The following AKNAD1 variants were observed in gnomAD, a reference collection of about 807,000 sequenced individuals.
AKNAD1 encodes the protein protein AKNAD1.
AKNAD1 carries 67 observed loss-of-function variants against 90.8 expected under a neutral mutation model. The ratio of observed to expected loss-of-function variants is 0.74; its 90% CI spans 0.61 to 0.90. The LOEUF (loss-of-function observed/expected upper bound fraction) is 0.90. Among genes scored for constraint, AKNAD1 ranks in the 40% least tolerant of loss-of-function variants. The probability of loss-of-function intolerance (pLI) is 0.00; values close to 1 mark genes in which losing one functional copy is unlikely to be tolerated. For missense variants in AKNAD1, 957 were observed against 975.4 expected (o/e 0.98, Z 0.25); for synonymous variants, 327 against 341.4 (o/e 0.96, Z 0.46).
At chr1:108,836,015 A>G (rs1664376863) in intron 7 of AKNAD1, among the ~76,000 whole-genome samples, 1 of 152,214 alleles carries the variant, frequency 6.6e-6, no homozygotes. Flanking sequence ...CCCAATACCT[A>G]GAAAAGTGCT....
intron 11 of AKNAD1, among the ~76,000 whole-genome samples, chr1:108,824,747 A>G (rs1663941460): frequency 6.6e-6 from 1 of 151,126 alleles, no homozygotes; most frequent in Non-Finnish European, 1.5e-5. Context: ...TTGGGTCCCT[A>G]TGTTGTCCAG....
At chr1:108,818,079 G>A (rs769494770) in intron 14 of AKNAD1, among the ~76,000 whole-genome samples, 1 of 152,162 alleles carries the variant, frequency 6.6e-6, no homozygotes, top group Non-Finnish European at 1.5e-5. Flanking sequence ...GCAGAGCATG[G>A]CTCTAGGGGG....
rs755086453 is a variant in AKNAD1, at chr1:108,849,031, A to G, written c.1063T>C (p.Leu355=). 2.5e-6 allele frequency: 4 copies of G among 1,604,414 alleles called. No homozygotes were observed. The East Asian group carries it at 6.7e-5, about 27-fold the overall frequency. ...GIESEASLSK[L]SPTSQKGTSS... ...GTGCCTTTCTGAGAGGTTGGTGACA[A>G]CTTAGAGAGACTTGCCTCAGATTCT... Residue 355 remains leucine (L), a synonymous_variant, in exon 4 of 16, where the codon TTG becomes CTG. Coordinates refer to ENST00000370001, the MANE Select transcript of AKNAD1 (RefSeq NM_152763.5).
intron 6 of AKNAD1, 43 bp from the exon 7 acceptor site, chr1:108,837,749 T>C (rs1428637461): frequency 1.3e-6 from 2 of 1,598,026 alleles, no homozygotes; most frequent in African/African-American, 1.3e-5. Flanking sequence ...GGCTATGTGG[T>C]TGGCATTCTA....
intron 13 of AKNAD1, among the ~76,000 whole-genome samples, chr1:108,821,067 A>T (rs532214149): frequency 3.9e-5 from 6 of 152,314 alleles, no homozygotes; most frequent in African/African-American, 1.2e-4. Context: ...AGCCTGGGCG[A>T]CAGAGCTAGA....
chr1:108,855,391 G>A (rs940158575), intron 1 of AKNAD1, among the ~76,000 whole-genome samples: 20 of 149,832 alleles, frequency 1.3e-4, no homozygotes, highest in Non-Finnish European at 3.0e-4. Flanking sequence ...CCAGCCTGGC[G>A]ATAGAGTGAA....
rs1461837928 is a variant in AKNAD1 at position 108,848,633 on chromosome 1, T to C, written c.1245+119A>G. 6 of 911,090 alleles carry C rather than the reference T, an allele frequency of 6.6e-6. No homozygotes were observed. The Admixed American group carries it at 1.6e-4, about 24-fold the overall frequency. 56.4% of individuals were successfully genotyped at this position (911,090 alleles called of 1,614,324 possible). A position where few individuals can be genotyped will look rare whatever the true frequency, so the allele number is the denominator to read the frequency against. On this transcript the variant is annotated intron_variant, in intron 5 of 15. Transcript: ENST00000370001. Reference sequence around the variant, plus strand: ...CCCCATAAACAAAGATGGTTTAATCTTTAGCAAAACATTTCCACTCCCACC... The same window carrying C: ...CCCCATAAACAAAGATGGTTTAATCCTTAGCAAAACATTTCCACTCCCACC...
Position 108,852,082 on chromosome 1 carries a change from A to G in AKNAD1, c.583T>C (p.Ser195Pro). 1 of 1,614,068 alleles carries G rather than the reference A, an allele frequency of 6.2e-7. No homozygotes were observed. Among genetic ancestry groups the G allele is most frequent in the Non-Finnish European group, 8.5e-7 (1 of 1,180,024 alleles). Residue 195 changes from serine to proline, a missense_variant, in exon 2 of 16, where the codon TCT becomes CCT. Transcript: ENST00000370001. ...GSATTTEENT[S>P]DLEGPVAAGD... ...GCAGCCACTGGCCCTTCTAAATCAG[A>G]GGTATTTTCCTCTGTCGTGGTGGCA...
intron 1 of AKNAD1, among the ~76,000 whole-genome samples, chr1:108,853,942 A>G (rs201979876): frequency 6.6e-3 from 2 of 304 alleles, no homozygotes; most frequent in Non-Finnish European, 0.017. Flanking sequence ...TCTCAAAAAA[A>G]GAAAAAAAAA....
intron 14 of AKNAD1, 75 bp from the exon 15 acceptor site, chr1:108,817,252 G>T (rs969946336): frequency 1.3e-6 from 2 of 1,575,426 alleles, no homozygotes; most frequent in Non-Finnish European, 1.7e-6. Flanking sequence ...TCAGCTCTGT[G>T]GTAGGTAATG....
At chr1:108,849,197 T>A in intron 3 of AKNAD1, 137 bp from the exon 4 acceptor site, 1 of 816,566 alleles carries the variant, frequency 1.2e-6, no homozygotes, top group Non-Finnish European at 1.8e-6. Context: ...AATATTTATC[T>A]AGGCCAGGCA....
chr1:108,824,591 A>G (rs1432856748), intron 11 of AKNAD1, among the ~76,000 whole-genome samples: 1 of 151,678 alleles, frequency 6.6e-6, no homozygotes, highest in Non-Finnish European at 1.5e-5. Flanking sequence ...GGTTGAAAAT[A>G]TGTTTACAAA....
intron 2 of AKNAD1, among the ~76,000 whole-genome samples, chr1:108,850,726 T>C (rs992246800): frequency 2.0e-5 from 3 of 152,158 alleles, no homozygotes; most frequent in African/African-American, 2.4e-5. Flanking sequence ...TGTGGTTCAG[T>C]CCAGGACACC....
chr1:108,819,027 A>G (rs1663726948), intron 14 of AKNAD1, among the ~76,000 whole-genome samples: 1 of 151,436 alleles, frequency 6.6e-6, no homozygotes, highest in Admixed American at 6.6e-5. Context: ...GTGCTAGACT[A>G]TGGTGGAGGG....
intron 9 of AKNAD1, among the ~76,000 whole-genome samples, chr1:108,833,831 C>T (rs1236509409): frequency 6.6e-6 from 1 of 151,830 alleles, no homozygotes; most frequent in Non-Finnish European, 1.5e-5. Context: ...AGGTGCCCCT[C>T]CACCTGAGTT....
At chr1:108,830,312 G>C (rs1664145017) in intron 10 of AKNAD1, among the ~76,000 whole-genome samples, 1 of 152,344 alleles carries the variant, frequency 6.6e-6, no homozygotes, top group South Asian at 2.1e-4. Context: ...TGAGACAGTA[G>C]GTGGGATGGA....
Position 108,834,854 on chromosome 1 carries a change from C to A in AKNAD1, c.1664+75G>T. On this transcript the variant is annotated intron_variant, in intron 8 of 15. Transcript: ENST00000370001. ...CTTTTCCTGTGGGAGCCTCATGGGCCTTCCTGGAGGCTGCATGAGGAAGGG... is the reference window on the plus strand; with the variant it reads ...CTTTTCCTGTGGGAGCCTCATGGGCATTCCTGGAGGCTGCATGAGGAAGGG... The A allele has an allele frequency of 4.0e-6, 6 of 1,491,498 alleles. No homozygotes were observed. In the South Asian group the frequency reaches 8.4e-5, roughly 21 times the overall value. 92.4% of individuals were successfully genotyped at this position (1,491,498 alleles called of 1,614,324 possible).
chr1:108,828,592 G>A lies in AKNAD1; in HGVS notation c.1839-1290C>T, dbSNP rs184922276. ...ATTGCTGGGCAAACACATGCTCGCC[G>A]CGCTGTGCCCTGGCCTGCTGTTGGC... On this transcript the variant is annotated intron_variant, in intron 10 of 15. Transcript: ENST00000370001. Among the ~76,000 whole-genome samples the A allele has an allele frequency of 3.6e-4, 55 of 152,002 alleles. 1 individual carries two copies. The highest frequency in any genetic ancestry group is 6.5e-4 in the Non-Finnish European group (44 of 68,020).
intron 1 of AKNAD1, among the ~76,000 whole-genome samples, chr1:108,856,068 G>A (rs1005464183): frequency 6.6e-6 from 1 of 151,532 alleles, no homozygotes; most frequent in Non-Finnish European, 1.5e-5. Flanking sequence ...ATTCAGGACG[G>A]TCTCGAACTC....
Sources: gnomAD v4.1 joint callset for allele counts (sites outside exome capture counted in the v4.1 genomes callset) on GRCh38, gnomAD v4.1.1 for gene constraint, MANE v1.5 for transcripts, NCBI Gene and HGNC (gene_info 2026-07-23, HGNC 2026-07-21) for gene names.